Variants in RPS6KC1 observed in about 807,000 individuals in gnomAD.
RPS6KC1 encodes the protein ribosomal protein S6 kinase C1.
Under a neutral mutation model 103.8 loss-of-function variants are expected in RPS6KC1, and 54 were observed. That is an observed-to-expected ratio of 0.52 (90% CI 0.42 to 0.65). The LOEUF (loss-of-function observed/expected upper bound fraction) is 0.65. Among genes scored for constraint, RPS6KC1 ranks in the 30% least tolerant of loss-of-function variants. The pLI is 0.00. For missense variants in RPS6KC1, 1,151 were observed against 1,253.8 expected, an observed-to-expected ratio of 0.92 and a Z score of 1.24; for synonymous variants, 439 against 438.7, an observed-to-expected ratio of 1.00 and a Z score of -0.01.
the RPS6KC1 span, among the ~76,000 whole-genome samples, chr1:213,707,616 C>T: frequency 6.6e-6 from 1 of 152,058 alleles, no homozygotes; most frequent in South Asian, 2.1e-4. Flanking sequence ...AAGTCTTTGC[C>T]CATGCTATGT....
At position 213,162,187 on chromosome 1, in the gene RPS6KC1, T is replaced by A. The variant is rs116339013; in HGVS notation, c.836-5671T>A. Among the ~76,000 whole-genome samples, 1,512 of 152,346 alleles carry A rather than the reference T, an allele frequency of 9.9e-3. 20 individuals are homozygous for A. The highest frequency in any genetic ancestry group is 0.035 in the African/African-American group (1,437 of 41,566). Reference sequence around the variant, plus strand: ...TTATAAGCCATTTGACTTTAGAACATAAGAGAAACTTAAGGGACTGCTATC... The same window carrying A: ...TTATAAGCCATTTGACTTTAGAACAAAAGAGAAACTTAAGGGACTGCTATC... On this transcript the variant is annotated intron_variant, in intron 6 of 14. Transcript: ENST00000366960.
the RPS6KC1 span, among the ~76,000 whole-genome samples, chr1:213,361,388 T>C: frequency 1.3e-5 from 2 of 152,244 alleles, no homozygotes; most frequent in Non-Finnish European, 2.9e-5. Context: ...GGTGTGCTGT[T>C]TGCTAAGACC....
the RPS6KC1 span, among the ~76,000 whole-genome samples, chr1:213,333,962 G>A: frequency 4.0e-4 from 61 of 152,314 alleles, no homozygotes; most frequent in African/African-American, 1.3e-3. Flanking sequence ...GATTATAGGC[G>A]TGAGCCACTG....
chr1:213,663,582 G>T, the RPS6KC1 span, among the ~76,000 whole-genome samples: 3 of 152,162 alleles, frequency 2.0e-5, no homozygotes, highest in African/African-American at 7.2e-5. Flanking sequence ...TGAATATGAA[G>T]CATCCCTTGT....
rs1231637923 is a variant in RPS6KC1 at position 213,272,585 on chromosome 1, A to G, written c.3152A>G (p.Lys1051Arg). 6.2e-7 allele frequency: 1 copy of G among 1,614,036 alleles called. No individual in the cohort carries two copies. Among genetic ancestry groups the G allele is most frequent in the African/African-American group, 1.3e-5 (1 of 75,040 alleles). The stretch of plus-strand genomic sequence containing the variant: ...GGAGTTGCTGGTGTTGAAGATATCA[A>G]ATCTCATCCATTTTTTACCCCTGTG... ...GAGVAGVEDI[K>R]SHPFFTPVDW... Residue 1051 changes from lysine to arginine, a missense_variant, in exon 15 of 15, where the codon AAA becomes AGA. By Grantham distance (26) the Lys-to-Arg change is conservative. Transcript: ENST00000366960.
At chr1:213,389,850 T>A in the RPS6KC1 span, among the ~76,000 whole-genome samples, 1 of 152,188 alleles carries the variant, frequency 6.6e-6, no homozygotes, top group African/African-American at 2.4e-5. Context: ...GGGGTGTTCT[T>A]TAGGGTTTTT....
chr1:213,448,712 C>T, the RPS6KC1 span, among the ~76,000 whole-genome samples: 1 of 147,790 alleles, frequency 6.8e-6, no homozygotes, highest in Non-Finnish European at 1.5e-5. Context: ...TGATCCCTCA[C>T]ACAGAGAATA....
At chr1:213,205,337 C>CTT in intron 8 of RPS6KC1, 1 of 984,722 alleles carries the variant, frequency 1.0e-6, no homozygotes, top group South Asian at 4.7e-5. Context: ...ATAAGTCATG[C>CTT]TTTTAAGAGT....
chr1:213,574,671 GGCTTGGTCACATCTCCCT>G, the RPS6KC1 span, among the ~76,000 whole-genome samples: 2 of 152,196 alleles, frequency 1.3e-5, no homozygotes, highest in Non-Finnish European at 2.9e-5. Flanking sequence ...GGACAAGGCA[GGCTTGGTCACATCTCCCT>G]GCTCATGATG....
chr1:213,374,152 A>C, the RPS6KC1 span, among the ~76,000 whole-genome samples: 1 of 152,234 alleles, frequency 6.6e-6, no homozygotes. Context: ...CACCTCATGT[A>C]TCAATTTCTC....
At chr1:213,084,552 A>G (rs374256728) in intron 3 of RPS6KC1, among the ~76,000 whole-genome samples, 2 of 152,342 alleles carry the variant, frequency 1.3e-5, no homozygotes, top group African/African-American at 4.8e-5. Flanking sequence ...GAGTTCAGTT[A>G]TCAATTTGAG....
At chr1:213,404,023 C>G in the RPS6KC1 span, among the ~76,000 whole-genome samples, 1 of 152,090 alleles carries the variant, frequency 6.6e-6, no homozygotes, top group African/African-American at 2.4e-5. Context: ...ATGAGGGAGG[C>G]TGGGTAGAGC....
intron 8 of RPS6KC1, among the ~76,000 whole-genome samples, chr1:213,229,705 T>C (rs1023814276): frequency 1.3e-5 from 2 of 152,136 alleles, no homozygotes; most frequent in Non-Finnish European, 2.9e-5. Flanking sequence ...ATGAGTAGTT[T>C]AGGGGGGCAA....
the RPS6KC1 span, among the ~76,000 whole-genome samples, chr1:213,725,417 G>T: frequency 2.0e-5 from 3 of 152,202 alleles, no homozygotes; most frequent in African/African-American, 7.2e-5. Flanking sequence ...CAGGCCGCTC[G>T]GCAGCCAGCA....
At chr1:213,403,173 AC>A in the RPS6KC1 span, among the ~76,000 whole-genome samples, 2 of 152,094 alleles carry the variant, frequency 1.3e-5, no homozygotes, top group African/African-American at 4.8e-5. Context: ...AAAATATAAA[AC>A]ATTCAAGAAG....
the RPS6KC1 span, among the ~76,000 whole-genome samples, chr1:213,586,779 T>A: frequency 6.6e-6 from 1 of 152,102 alleles, no homozygotes; most frequent in Non-Finnish European, 1.5e-5. Flanking sequence ...AGGCAGTGAG[T>A]GTGTCCTGGG....
the RPS6KC1 span, among the ~76,000 whole-genome samples, chr1:213,688,087 G>T: frequency 7.8e-4 from 118 of 152,240 alleles, no homozygotes; most frequent in African/African-American, 2.6e-3. Context: ...CCTTTCTTCA[G>T]CTTTGCCCAG....
the RPS6KC1 span, among the ~76,000 whole-genome samples, chr1:213,669,083 T>G: frequency 6.6e-6 from 1 of 152,372 alleles, no homozygotes. Context: ...CATTCATGTG[T>G]TCACTGGAGT....
the RPS6KC1 span, among the ~76,000 whole-genome samples, chr1:213,617,003 C>T: frequency 1.3e-5 from 2 of 152,192 alleles, no homozygotes; most frequent in African/African-American, 4.8e-5. Flanking sequence ...AGAAGGGACA[C>T]AGCACAATAA....
Sources: allele counts gnomAD v4.1 joint callset (sites outside exome capture counted in the v4.1 genomes callset), GRCh38; gene constraint gnomAD v4.1.1; transcripts MANE v1.5; gene names NCBI Gene and HGNC (gene_info 2026-07-23, HGNC 2026-07-21).